Variants in XIRP2 observed in about 807,000 individuals in gnomAD.
The protein encoded by XIRP2 is xin actin-binding repeat-containing protein 2.
Under a neutral mutation model 277.0 loss-of-function variants are expected in XIRP2, and 236 were observed. The observed-to-expected ratio is 0.85, with a 90% CI of 0.77 to 0.95. XIRP2 has a LOEUF of 0.95. Ranked by LOEUF, XIRP2 falls within the 40% of genes least tolerant of loss-of-function variation. The pLI, the probability that XIRP2 is intolerant of heterozygous loss-of-function variation, is 0.00. For synonymous variants in XIRP2, 1,490 were observed against 1,416.5 expected (o/e 1.05, Z -1.17); for missense variants, 4,640 against 4,157.5 (o/e 1.12, Z -3.19).
At chr2:167,020,450 G>A (rs2105483760) in intron 2 of XIRP2, among the ~76,000 whole-genome samples, 1 of 151,984 alleles carries the variant, frequency 6.6e-6, no homozygotes, top group East Asian at 1.9e-4. Flanking sequence ...ATGAACTTAT[G>A]TAGTATATAC....
Position 167,245,238 on chromosome 2 carries a change from T to A in XIRP2, c.3846T>A (p.Phe1282Leu), listed in dbSNP as rs1314040201. 6.2e-7 allele frequency: 1 copy of A among 1,613,684 alleles called. No individual in the cohort carries two copies. Among genetic ancestry groups the A allele is most frequent in the South Asian group, 1.1e-5 (1 of 91,072 alleles). Residue 1282 changes from phenylalanine (F) to leucine (L), a missense_variant, in exon 9 of 11, where the codon TTT becomes TTA. By Grantham distance (22) the Phe-to-Leu change is conservative. Transcript: ENST00000409195. ...VRKGCFIFET[F>L]SLDEIKEESD... is the part of the protein sequence containing the mutation. ...AGGGGTGCTTTATTTTTGAGACTTT[T>A]TCTTTAGATGAGATTAAAGAAGAAT...
chr2:167,243,544 C>G lies in XIRP2; in HGVS notation c.2152C>G (p.Leu718Val). 1 of 1,613,968 alleles carries G rather than the reference C, an allele frequency of 6.2e-7. No homozygotes were observed. The highest frequency in any genetic ancestry group is 8.5e-7 in the Non-Finnish European group (1 of 1,179,990). ...HSVDEVHLLQLRSELKEIKGN... is the reference protein window; with the variant it reads ...HSVDEVHLLQVRSELKEIKGN... ...AGTGGATGAGGTTCATTTACTGCAG[C>G]TTAGGTCTGAGCTCAAAGAAATTAA... is the stretch of plus-strand genomic sequence containing the variant. Residue 718 changes from leucine to valine, a missense_variant, in exon 9 of 11, where the codon CTT (leucine) becomes GTT (valine). Transcript: ENST00000409195.
Position 167,118,500 on chromosome 2 carries a change from A to AAAATG in XIRP2, c.409-17405_409-17404insGAAAT, listed in dbSNP as rs1690960750. ...CTGTCTCGATAAAATAAAATAAAATAAAATAAAATAAAATAAAATAAAATA... is the reference window on the plus strand; with the variant it reads ...CTGTCTCGATAAAATAAAATAAAATAAAATGAAATAAAATAAAATAAAATAAAATA... On this transcript the variant is annotated intron_variant, in intron 2 of 10. Transcript: ENST00000409195. Among the ~76,000 whole-genome samples, 3 of 142,852 alleles carry AAAATG rather than the reference A, an allele frequency of 2.1e-5. No individual in the cohort carries two copies. In the South Asian group the frequency reaches 7.0e-4, roughly 33 times the overall value. 93.7% of individuals were successfully genotyped at this position (142,852 alleles called of 152,430 possible).
intron 2 of XIRP2, among the ~76,000 whole-genome samples, chr2:167,112,028 T>C (rs1462889252): frequency 6.6e-6 from 1 of 152,148 alleles, no homozygotes; most frequent in East Asian, 1.9e-4. Flanking sequence ...TTATTTCTAA[T>C]TGTGTTTATT....
chr2:167,194,357 A>G (rs1693439262), intron 3 of XIRP2, among the ~76,000 whole-genome samples: 1 of 152,166 alleles, frequency 6.6e-6, no homozygotes, highest in Non-Finnish European at 1.5e-5. Context: ...CTGGGATTAC[A>G]GGCGTGAGCC....
intron 2 of XIRP2, among the ~76,000 whole-genome samples, chr2:167,080,230 A>T (rs551698731): frequency 6.6e-6 from 1 of 152,202 alleles, no homozygotes; most frequent in Non-Finnish European, 1.5e-5. Flanking sequence ...TGAAGGAAAG[A>T]TGTGGGGTAA....
At chr2:166,898,139 C>T (rs1684291672) in intron 1 of XIRP2, among the ~76,000 whole-genome samples, 1 of 152,074 alleles carries the variant, frequency 6.6e-6, no homozygotes, top group African/African-American at 2.4e-5. Context: ...ACTGCTGATA[C>T]CCAGCCCAGG....
At chr2:167,131,831 A>G (rs1027032816) in intron 2 of XIRP2, among the ~76,000 whole-genome samples, 24 of 152,174 alleles carry the variant, frequency 1.6e-4, no homozygotes, top group African/African-American at 5.5e-4. Context: ...CTCCAGGGCT[A>G]CACATCCAAC....
At chr2:166,893,605 G>A (rs951142994) in intron 1 of XIRP2, among the ~76,000 whole-genome samples, 1 of 151,978 alleles carries the variant, frequency 6.6e-6, no homozygotes, top group African/African-American at 2.4e-5. Flanking sequence ...TATCTATAAT[G>A]ACTATTGAAA....
chr2:166,939,267 G>C (rs1685620354), intron 2 of XIRP2, among the ~76,000 whole-genome samples: 1 of 152,116 alleles, frequency 6.6e-6, no homozygotes, highest in Non-Finnish European at 1.5e-5. Context: ...TCCTTCAGGA[G>C]CTCTTTTAGG....
At chr2:166,940,133 C>T (rs984685660) in intron 2 of XIRP2, among the ~76,000 whole-genome samples, 1 of 152,152 alleles carries the variant, frequency 6.6e-6, no homozygotes, top group Non-Finnish European at 1.5e-5. Context: ...TTCTTGGAGG[C>T]TTTGTTTGTT....
Position 167,027,673 on chromosome 2 carries a change from G to C in XIRP2, c.409-108236G>C, listed in dbSNP as rs1435903354. The stretch of plus-strand genomic sequence containing the variant: ...TGGTCTTTGATGATGGTGATGTACA[G>C]ATGGGTTTTTGGTGTGGATGTCCTT... On this transcript the variant is annotated intron_variant, in intron 2 of 10. Transcript: ENST00000409195. Among the ~76,000 whole-genome samples the C allele has an allele frequency of 3.3e-5, 5 of 152,164 alleles. No homozygotes were observed. The East Asian group carries it at 9.7e-4, about 29-fold the overall frequency.
chr2:166,974,995 A>G (rs1021064850), intron 2 of XIRP2, among the ~76,000 whole-genome samples: 3 of 152,280 alleles, frequency 2.0e-5, no homozygotes, highest in African/African-American at 4.8e-5. Flanking sequence ...ATACTAATAC[A>G]AGACAAAATA....
intron 2 of XIRP2, among the ~76,000 whole-genome samples, chr2:167,058,697 T>A (rs1388027460): frequency 2.6e-5 from 4 of 152,168 alleles, no homozygotes; most frequent in African/African-American, 9.7e-5. Flanking sequence ...AGAGCACAAG[T>A]CCCAGTATGA....
intron 2 of XIRP2, among the ~76,000 whole-genome samples, chr2:167,013,816 C>T (rs1468778539): frequency 6.6e-6 from 1 of 151,196 alleles, no homozygotes; most frequent in African/African-American, 2.4e-5. Context: ...AATGTACATG[C>T]AATCTTTTCA....
At chr2:166,892,435 C>A (rs1336988679) in intron 1 of XIRP2, among the ~76,000 whole-genome samples, 1 of 152,038 alleles carries the variant, frequency 6.6e-6, no homozygotes, top group Non-Finnish European at 1.5e-5. Flanking sequence ...TGAAAAAAGT[C>A]AATTGCTTTG....
chr2:167,104,875 A>G (rs1400485210), intron 2 of XIRP2, among the ~76,000 whole-genome samples: 1 of 152,048 alleles, frequency 6.6e-6, no homozygotes, highest in Non-Finnish European at 1.5e-5. Flanking sequence ...ACATTCAACT[A>G]TCCTCATTCT....
At position 167,243,453 on chromosome 2, in the gene XIRP2, G is replaced by C. The variant is rs200390403; in HGVS notation, c.2061G>C (p.Gly687=). 1.9e-6 allele frequency: 3 copies of C among 1,613,884 alleles called. No homozygotes were observed. Among genetic ancestry groups the C allele is most frequent in the African/African-American group, 2.7e-5 (2 of 74,880 alleles). Residue 687 remains glycine (G), a synonymous_variant, in exon 9 of 11, where the codon GGG becomes GGC. Coordinates refer to ENST00000409195, the MANE Select transcript of XIRP2 (RefSeq NM_152381.6). ...AVTISKDITG[G]DVKTVRYMFE... ...CTATCAGTAAGGACATAACTGGGGG[G>C]GATGTCAAGACTGTGAGATACATGT...
rs542114992 is a variant in XIRP2, at chr2:167,248,018, T to A, written c.6626T>A (p.Met2209Lys). ...AAAAAGAATATAAACCTTCAACCAATGTGGCAGCTTTTGCCTGTAGAGCAA... is the reference window on the plus strand; with the variant it reads ...AAAAAGAATATAAACCTTCAACCAAAGTGGCAGCTTTTGCCTGTAGAGCAA... ...IKKKNINLQP[M>K]WQLLPVEQDT... The change falls in exon 9 of 11, where the codon ATG (methionine) becomes AAG (lysine). Residue 2209 changes from methionine to lysine, a missense_variant. Physicochemically the swap from Met to Lys is moderately conservative, Grantham distance 95. Coordinates refer to ENST00000409195, the MANE Select transcript of XIRP2 (RefSeq NM_152381.6). 1.9e-6 allele frequency: 3 copies of A among 1,613,422 alleles called. No individual in the cohort carries two copies. The highest frequency in any genetic ancestry group is 2.2e-5 in the East Asian group (1 of 44,816).
Sources: gnomAD v4.1 joint callset for allele counts (sites outside exome capture counted in the v4.1 genomes callset) on GRCh38, gnomAD v4.1.1 for gene constraint, MANE v1.5 for transcripts, NCBI Gene and HGNC (gene_info 2026-07-23, HGNC 2026-07-21) for gene names.